Variants in ZC3H3 observed in about 807,000 individuals in gnomAD.
The protein encoded by ZC3H3 is zinc finger CCCH-type containing 3.
A neutral mutation model predicts 77.3 loss-of-function variants in ZC3H3; 36 were observed. The ratio of observed to expected loss-of-function variants is 0.47; its 90% confidence interval spans 0.36 to 0.61. The LOEUF is 0.61. Ranked by LOEUF, ZC3H3 falls within the 20% of genes least tolerant of loss-of-function variation. ZC3H3 has a pLI of 0.00. For synonymous variants in ZC3H3, 626 were observed against 555.2 expected, an observed-to-expected ratio of 1.13 and a Z score of -1.79; for missense variants, 1,331 against 1,312.2, an observed-to-expected ratio of 1.01 and a Z score of -0.22.
intron 9 of ZC3H3, among the ~76,000 whole-genome samples, chr8:143,463,879 C>A (rs557762880): frequency 1.3e-5 from 2 of 152,240 alleles, no homozygotes; most frequent in African/African-American, 4.8e-5. Context: ...CCGTGGCCCC[C>A]CAAAAGGGGA....
At chr8:143,495,504 C>G (rs1359339704) in intron 4 of ZC3H3, among the ~76,000 whole-genome samples, 1 of 152,288 alleles carries the variant, frequency 6.6e-6, no homozygotes, top group East Asian at 1.9e-4. Context: ...AGGCCTCTAC[C>G]GGGAAGAGGA....
intron 9 of ZC3H3, among the ~76,000 whole-genome samples, chr8:143,449,527 G>C (rs974527825): frequency 1.3e-5 from 2 of 152,144 alleles, no homozygotes; most frequent in Non-Finnish European, 2.9e-5. Context: ...TTCAAGACCA[G>C]CTTGGTCAAC....
intron 3 of ZC3H3, among the ~76,000 whole-genome samples, chr8:143,529,018 C>T (rs140891396): frequency 4.6e-5 from 7 of 152,226 alleles, no homozygotes; most frequent in South Asian, 2.1e-4. Context: ...GTGGCTGGCA[C>T]GCGATCTTAG....
intron 8 of ZC3H3, among the ~76,000 whole-genome samples, chr8:143,467,603 G>A (rs899952772): frequency 3.3e-5 from 5 of 152,174 alleles, no homozygotes; most frequent in Non-Finnish European, 5.9e-5. Context: ...TGGTCACACC[G>A]TGGCTGAGTC....
chr8:143,521,409 C>T lies in ZC3H3; in HGVS notation c.1562-13510G>A, dbSNP rs564738102. The stretch of plus-strand genomic sequence containing the variant: ...AAGTCCTGGTGCCCCATGGGCAGCC[C>T]CTGCCCCCAGCACTATGTCTGCCTC... On this transcript the variant is annotated intron_variant, in intron 3 of 11. Transcript: ENST00000262577. Among the ~76,000 whole-genome samples, 206 of 103,834 alleles carry T rather than the reference C, an allele frequency of 2.0e-3. 2 individuals carry two copies. Among genetic ancestry groups the T allele is most frequent in the Non-Finnish European group, 3.9e-3 (157 of 40,502 alleles). The allele number at this position is 103,834 out of a possible 152,430, so 68.1% of individuals were successfully genotyped here.
rs532584802 is a variant in ZC3H3 at position 143,535,370 on chromosome 8, C to T, written c.1561+887G>A. Among the ~76,000 whole-genome samples the T allele has an allele frequency of 2.6e-5, 4 of 152,252 alleles. No homozygotes were observed. In the South Asian group the frequency reaches 6.2e-4, roughly 24 times the overall value. ...AGATTTCTGAGCACCGGTTCCCAGTCGGAGTGCCCAGGTCCAAGCCTGCTC... is the reference window on the plus strand; with the variant it reads ...AGATTTCTGAGCACCGGTTCCCAGTTGGAGTGCCCAGGTCCAAGCCTGCTC... On this transcript the variant is annotated intron_variant, in intron 3 of 11. Coordinates refer to ENST00000262577, the MANE Select transcript of ZC3H3 (RefSeq NM_015117.3).
chr8:143,527,222 G>A (rs142580126), intron 3 of ZC3H3, among the ~76,000 whole-genome samples: 124 of 152,332 alleles, frequency 8.1e-4, no homozygotes, highest in Non-Finnish European at 1.3e-3. Context: ...CCAGGCTCTC[G>A]GACAGGTGTC....
At chr8:143,491,849 A>ACC (rs1429945634) in intron 4 of ZC3H3, among the ~76,000 whole-genome samples, 1 of 152,042 alleles carries the variant, frequency 6.6e-6, no homozygotes, top group African/African-American at 2.4e-5. Context: ...GGCACAGGAC[A>ACC]CCCTCGGCCC....
chr8:143,520,650 C>T (rs1434890615), intron 3 of ZC3H3, among the ~76,000 whole-genome samples: 1 of 152,230 alleles, frequency 6.6e-6, no homozygotes, highest in Non-Finnish European at 1.5e-5. Context: ...CAGGCTGAGC[C>T]GTTTCCATTT....
chr8:143,510,736 C>A (rs1821845315), intron 3 of ZC3H3, among the ~76,000 whole-genome samples: 1 of 152,214 alleles, frequency 6.6e-6, no homozygotes, highest in Non-Finnish European at 1.5e-5. Context: ...AGGCGCCCAT[C>A]CCTCCTGGCT....
At chr8:143,470,313 T>A (rs1223013524) in intron 5 of ZC3H3, among the ~76,000 whole-genome samples, 1 of 152,092 alleles carries the variant, frequency 6.6e-6, no homozygotes, top group Non-Finnish European at 1.5e-5. Flanking sequence ...CAGGAGCTAG[T>A]CATGGTACCT....
rs980589816 is a variant in ZC3H3, at chr8:143,462,970, G to A, written c.2307+2747C>T. Among the ~76,000 whole-genome samples, 14 of 147,534 alleles carry A rather than the reference G, an allele frequency of 9.5e-5. No individual in the cohort carries two copies. The highest frequency in any genetic ancestry group is 2.0e-4 in the East Asian group (1 of 5,112). On this transcript the variant is annotated intron_variant, in intron 9 of 11. Coordinates refer to ENST00000262577, the MANE Select transcript of ZC3H3 (RefSeq NM_015117.3). This position sits in a 1 kb window ranked among gnomAD's most constrained non-coding sequence, Gnocchi z 4.7. ...CCCACCTAGAGCCACCAGGAGCAGC[G>A]CCCAGACCCTGAGTCTCTTTTTTTT...
At chr8:143,479,996 G>T (rs1389332223) in intron 4 of ZC3H3, among the ~76,000 whole-genome samples, 1 of 152,218 alleles carries the variant, frequency 6.6e-6, no homozygotes, top group East Asian at 1.9e-4. Context: ...AGAGGGCTGA[G>T]CCCAGGCCCT....
At chr8:143,527,098 G>A (rs369827263) in intron 3 of ZC3H3, among the ~76,000 whole-genome samples, 2 of 152,200 alleles carry the variant, frequency 1.3e-5, no homozygotes, top group East Asian at 1.9e-4. Context: ...ACTTGGCAAC[G>A]TGCCCCTGGC....
chr8:143,497,855 C>T (rs404422), intron 4 of ZC3H3, among the ~76,000 whole-genome samples: 4,264 of 152,330 alleles, frequency 0.028, 179 homozygotes, highest in African/African-American at 0.096. Context: ...CACTCGAACA[C>T]GCTGTGCCTC....
At chr8:143,452,391 T>C (rs753298784) in intron 9 of ZC3H3, among the ~76,000 whole-genome samples, 25 of 152,158 alleles carry the variant, frequency 1.6e-4, no homozygotes, top group Non-Finnish European at 2.9e-4. Flanking sequence ...TTTCCACTCC[T>C]AGCTGGCAAG....
chr8:143,524,753 G>A (rs940301020), intron 3 of ZC3H3, among the ~76,000 whole-genome samples: 1 of 152,254 alleles, frequency 6.6e-6, no homozygotes. Context: ...TCAGCTCCCC[G>A]GGGGAACAAG....
At chr8:143,486,676 G>A (rs1218511169) in intron 4 of ZC3H3, among the ~76,000 whole-genome samples, 2 of 151,734 alleles carry the variant, frequency 1.3e-5, no homozygotes, top group Admixed American at 6.6e-5. Context: ...CCACCACCAA[G>A]AAGCTCACAC....
chr8:143,536,791 G>A (rs891844606), intron 2 of ZC3H3, among the ~76,000 whole-genome samples: 1 of 152,142 alleles, frequency 6.6e-6, no homozygotes, highest in African/African-American at 2.4e-5. Flanking sequence ...CCTCTACGTG[G>A]GGCAAAGAGA....
Sources: gnomAD v4.1 joint callset for allele counts (sites outside exome capture counted in the v4.1 genomes callset) on GRCh38, gnomAD v4.1.1 for gene constraint, Gnocchi (gnomAD v3.1) non-coding constraint, MANE v1.5 for transcripts, NCBI Gene and HGNC (gene_info 2026-07-23, HGNC 2026-07-21) for gene names.